CYP2B6: variants seen among roughly 807,000 people sequenced by gnomAD.
The protein encoded by CYP2B6 is cytochrome P450 family 2 subfamily B member 6, also known as cytochrome P450 2B6.
CYP2B6 carries 35 observed loss-of-function variants against 43.4 expected under a neutral mutation model. The ratio of observed to expected loss-of-function variants is 0.81; its 90% confidence interval spans 0.62 to 1.07. The LOEUF (loss-of-function observed/expected upper bound fraction) is 1.07. Among genes scored for constraint, CYP2B6 ranks in the 50% least tolerant of loss-of-function variants. The pLI is 0.00. For synonymous variants in CYP2B6, 239 were observed against 239.2 expected (o/e 1.00, Z 0.01); for missense variants, 624 against 632.8 (o/e 0.99, Z 0.15).
At chr19:41,002,133 T>A (rs536958495) in intron 1 of CYP2B6, among the ~76,000 whole-genome samples, 1 of 152,248 alleles carries the variant, frequency 6.6e-6, no homozygotes, top group Admixed American at 6.5e-5. Context: ...AGACTTCAGA[T>A]CTTATTCTCA....
intron 3 of CYP2B6, among the ~76,000 whole-genome samples, chr19:41,005,766 G>A (rs956461585): frequency 6.6e-6 from 1 of 151,432 alleles, no homozygotes; most frequent in Non-Finnish European, 1.5e-5. Context: ...GCATGATAGA[G>A]TGAGACTCTG....
rs1485333607 is a variant in CYP2B6, at chr19:41,010,001, C to T, written c.830C>T (p.Ser277Phe). The change falls in exon 6 of 9, where the codon TCC (serine) becomes TTC (phenylalanine). Residue 277 changes from serine to phenylalanine, a missense_variant. Ser to Phe is a radical substitution (Grantham distance 155). Coordinates refer to ENST00000324071, the MANE Select transcript of CYP2B6 (RefSeq NM_000767.5). The stretch of plus-strand genomic sequence containing the variant: ...TCCCTACTGTGGACGCAGGAGAAAT[C>T]CAACGCACACAGTGAATTCAGCCAC... The part of the protein sequence containing the change: ...TYLLHMEKEK[S>F]NAHSEFSHQN... 2 of 1,614,114 alleles carry T rather than the reference C, an allele frequency of 1.2e-6. No individual in the cohort carries two copies. The highest frequency in any genetic ancestry group is 1.7e-5 in the Admixed American group (1 of 60,018).
At chr19:41,003,063 AT>A (rs1358569943) in intron 1 of CYP2B6, among the ~76,000 whole-genome samples, 5 of 152,034 alleles carry the variant, frequency 3.3e-5, no homozygotes, top group Non-Finnish European at 4.4e-5. Context: ...TTCTGTGAAT[AT>A]TTTGTTCATT....
Position 41,009,326 on chromosome 19 carries a change from G to A in CYP2B6, c.753G>A (p.Lys251=), listed in dbSNP as rs1170397960. 1.2e-6 allele frequency: 2 copies of A among 1,611,406 alleles called. No homozygotes were observed. Among genetic ancestry groups the A allele is most frequent in the Admixed American group, 1.7e-5 (1 of 59,856 alleles). ...CTTACATTGGCCACAGTGTGGAGAA[G>A]CACCGTGAAACCCTGGACCCCAGCG... ...INAYIGHSVE[K]HRETLDPSAP... Residue 251 remains lysine, a synonymous_variant, in exon 5 of 9, where the codon AAG becomes AAA. Coordinates refer to ENST00000324071, the MANE Select transcript of CYP2B6 (RefSeq NM_000767.5).
At position 41,007,300 on chromosome 19, in the gene CYP2B6, G is replaced by A. The variant is rs1316568084; in HGVS notation, c.645+235G>A. On this transcript the variant is annotated intron_variant, in intron 4 of 8. Coordinates refer to ENST00000324071, the MANE Select transcript of CYP2B6 (RefSeq NM_000767.5). ...GGGGAGGCAGAAATAGAGTCAGAGA[G>A]AGACTGAGAGAAGGAAGATGAGCAA... 23 of 547,084 alleles carry A rather than the reference G, an allele frequency of 4.2e-5. 1 individual carries two copies. Among genetic ancestry groups the A allele is most frequent in the Non-Finnish European group, 6.6e-5 (20 of 302,916 alleles). 33.9% of individuals were successfully genotyped at this position (547,084 alleles called of 1,614,324 possible). A position where few individuals can be genotyped will look rare whatever the true frequency, so the allele number is the denominator to read the frequency against.
rs568870601 is a variant in CYP2B6, at chr19:41,017,743, C to G, written c.*916C>G. On this transcript the variant is annotated 3_prime_UTR_variant, in exon 9 of 9. Transcript: ENST00000324071. ...ACAAAACCCATACCTATCAAGCTGT[C>G]ACTCCCCATACCCCATTCTCTTTTT... 1 of 152,156 alleles carries G rather than the reference C, an allele frequency of 6.6e-6. No homozygotes were observed. The highest frequency in any genetic ancestry group is 1.9e-4 in the East Asian group (1 of 5,196). The allele number at this position is 152,156 out of a possible 1,614,324, so 9.4% of individuals were successfully genotyped here. A position where few individuals can be genotyped will look rare whatever the true frequency, so the allele number is the denominator to read the frequency against.
intron 1 of CYP2B6, among the ~76,000 whole-genome samples, chr19:40,994,912 T>C (rs998324168): frequency 6.6e-6 from 1 of 152,124 alleles, no homozygotes; most frequent in African/African-American, 2.4e-5. Context: ...AGATATAGCT[T>C]TCCACTCCTC....
intron 8 of CYP2B6, among the ~76,000 whole-genome samples, chr19:41,015,009 GAA>G (rs1311908668): frequency 2.6e-5 from 4 of 151,954 alleles, no homozygotes; most frequent in African/African-American, 7.3e-5. Flanking sequence ...GAATGAGAGA[GAA>G]AGAGATTGGG....
intron 3 of CYP2B6, among the ~76,000 whole-genome samples, chr19:41,006,261 T>C (rs1292716399): frequency 2.0e-5 from 3 of 150,720 alleles, no homozygotes; most frequent in Non-Finnish European, 2.9e-5. Flanking sequence ...CATGTGATCC[T>C]CCCACTTCAG....
chr19:41,004,399 T>C lies in CYP2B6; in HGVS notation c.437T>C (p.Ile146Thr), dbSNP rs961273743. ...GGAAAGCGGAGTGTGGAGGAGCGGA[T>C]TCAGGAGGAGGCTCAGTGTCTGATA... ...GMGKRSVEER[I>T]QEEAQCLIEE... Residue 146 changes from isoleucine (I) to threonine (T), a missense_variant, in exon 3 of 9, where the codon ATT becomes ACT. Physicochemically the swap from Ile to Thr is moderately conservative, Grantham distance 89 (BLOSUM62 -1). Transcript: ENST00000324071. 6.2e-7 allele frequency: 1 copy of C among 1,613,802 alleles called. No homozygotes were observed. The highest frequency in any genetic ancestry group is 2.2e-5 in the East Asian group (1 of 44,866).
At chr19:41,009,550 G>A (rs1198688947) in intron 5 of CYP2B6, 155 bp downstream of exon 5, 7 of 824,040 alleles carry the variant, frequency 8.5e-6, no homozygotes, top group East Asian at 2.7e-5. Flanking sequence ...GAGAACATGA[G>A]GAAGGAAAGA....
chr19:41,006,992 A>C lies in CYP2B6; in HGVS notation c.572A>C (p.Gln191Pro). Residue 191 changes from glutamine to proline, a missense_variant, in exon 4 of 9, where the codon CAA (glutamine) becomes CCA (proline). By Grantham distance (76) the Gln-to-Pro change is moderately conservative (BLOSUM62 -1). Transcript: ENST00000324071. The stretch of plus-strand genomic sequence containing the variant: ...GTCTTTGGAAAACGATTCCACTACC[A>C]AGATCAAGAGTTCCTGAAGATGCTG... Reference protein sequence around the residue: ...SIVFGKRFHYQDQEFLKMLNL... With the variant: ...SIVFGKRFHYPDQEFLKMLNL... 2 of 1,613,976 alleles carry C rather than the reference A, an allele frequency of 1.2e-6. No individual in the cohort carries two copies. The highest frequency in any genetic ancestry group is 1.7e-6 in the Non-Finnish European group (2 of 1,179,966).
chr19:41,010,934 A>G (rs1220400477), intron 6 of CYP2B6, among the ~76,000 whole-genome samples: 2 of 152,148 alleles, frequency 1.3e-5, no homozygotes, highest in East Asian at 3.9e-4. Flanking sequence ...CGATCCATCC[A>G]CTTATCATTT....
At chr19:41,000,772 C>A (rs1248085187) in intron 1 of CYP2B6, among the ~76,000 whole-genome samples, 2 of 152,028 alleles carry the variant, frequency 1.3e-5, no homozygotes, top group Non-Finnish European at 2.9e-5. Flanking sequence ...GGCATGGCAG[C>A]CCATGCCTAT....
Position 40,992,534 on chromosome 19 carries a change from T to C in CYP2B6, c.171+1058T>C, listed in dbSNP as rs563513071. On this transcript the variant is annotated intron_variant, in intron 1 of 8. Coordinates refer to ENST00000324071, the MANE Select transcript of CYP2B6 (RefSeq NM_000767.5). ...ATGAGCATTTAAGACTCTTTTTTTT[T>C]CTGAGACAGGGCCTCACTCTGTCAG... Among the ~76,000 whole-genome samples the C allele has an allele frequency of 1.1e-4, 17 of 152,218 alleles. No homozygotes were observed. The East Asian group carries it at 3.3e-3, about 29-fold the overall frequency.
At chr19:40,993,619 C>T (rs1458782102) in intron 1 of CYP2B6, among the ~76,000 whole-genome samples, 1 of 152,072 alleles carries the variant, frequency 6.6e-6, no homozygotes, top group Non-Finnish European at 1.5e-5. Context: ...GATTACAATT[C>T]AAGATGAGAT....
rs1390766543 is a variant in CYP2B6, at chr19:41,012,740, GC to G, written c.1221del (p.Phe408SerfsTer13). On this transcript the variant is annotated frameshift_variant, in exon 8 of 9. Coordinates refer to ENST00000324071, the MANE Select transcript of CYP2B6 (RefSeq NM_000767.5). LOFTEE classifies it high-confidence loss of function. ...CCCACACTACTTTGAAAAACCAGAC[GC>G]CTTCAATCCTGACCACTTTCTGGAT... ...HDPHYFEKPD[A>X]FNPDHFLDAN... 1 of 1,614,028 alleles carries G rather than the reference GC, an allele frequency of 6.2e-7. No homozygotes were observed. The highest frequency in any genetic ancestry group is 1.7e-5 in the Admixed American group (1 of 59,988).
Position 41,009,995 on chromosome 19 carries a change from A to T in CYP2B6, c.824A>T (p.Glu275Val). 1 of 1,614,090 alleles carries T rather than the reference A, an allele frequency of 6.2e-7. No individual in the cohort carries two copies. The highest frequency in any genetic ancestry group is 8.5e-7 in the Non-Finnish European group (1 of 1,180,020). ...IDTYLLHMEK[E>V]KSNAHSEFSH... ...CTTCCTTCCCTACTGTGGACGCAGGAGAAATCCAACGCACACAGTGAATTC... is the reference window on the plus strand; with the variant it reads ...CTTCCTTCCCTACTGTGGACGCAGGTGAAATCCAACGCACACAGTGAATTC... Residue 275 changes from glutamate (E) to valine (V), a missense_variant and splice_region_variant, in exon 6 of 9, where the codon GAG becomes GTG. Physicochemically the swap from Glu to Val is moderately radical, Grantham distance 121. Coordinates refer to ENST00000324071, the MANE Select transcript of CYP2B6 (RefSeq NM_000767.5).
chr19:40,993,708 C>G (rs1968957327), intron 1 of CYP2B6, among the ~76,000 whole-genome samples: 1 of 152,136 alleles, frequency 6.6e-6, no homozygotes, highest in Non-Finnish European at 1.5e-5. Flanking sequence ...CTAGCTGCAC[C>G]TGTAAACACA....
Sources: gnomAD v4.1 joint callset for allele counts (sites outside exome capture counted in the v4.1 genomes callset) on GRCh38, gnomAD v4.1.1 for gene constraint, MANE v1.5 for transcripts, NCBI Gene and HGNC (gene_info 2026-07-23, HGNC 2026-07-21) for gene names.